Variants in FANCB observed in about 807,000 individuals in gnomAD.
FANCB encodes FA complementation group B, also known as Fanconi anemia group B protein.
In FANCB, 5 loss-of-function variants were observed where a neutral mutation model predicts 38.9. That is an observed-to-expected ratio of 0.13 (90% CI 0.07 to 0.27). FANCB has a LOEUF of 0.27. Ranked by LOEUF, FANCB falls within the 10% of genes least tolerant of loss-of-function variation. The pLI, the probability that FANCB is intolerant of heterozygous loss-of-function variation, is 1.00. For synonymous variants in FANCB, 236 were observed against 215.4 expected (o/e 1.10, Z -0.84); for missense variants, 573 against 602.7 (o/e 0.95, Z 0.52).
chrX:14,777,750 C>G, the FANCB span, among the ~76,000 whole-genome samples: 3 of 112,200 alleles, frequency 2.7e-5, no homozygotes, highest in African/African-American at 6.5e-5. Context: ...CCTGTCTTAC[C>G]CAATAACATT....
Position 14,845,095 on chromosome X carries a change from C to A in FANCB, c.1688G>T (p.Ser563Ile), listed in dbSNP as rs375901101. 1 of 1,209,432 alleles carries A rather than the reference C, an allele frequency of 8.3e-7. No individual in the cohort carries two copies. Among genetic ancestry groups the A allele is most frequent in the African/African-American group, 1.7e-5 (1 of 57,232 alleles). ...CTTAGATGGGTGTTCACAAACAAAG[C>A]TTTCCTCTTTCTTGCTATCAGGGGT... ...TLTPDSKKEESFVCEHPSKKE... is the reference protein window; with the variant it reads ...TLTPDSKKEEIFVCEHPSKKE... Residue 563 changes from serine to isoleucine, a missense_variant, in exon 8 of 10, where the codon AGC becomes ATC. Transcript: ENST00000650831.
chrX:14,823,399 C>T, the FANCB span, among the ~76,000 whole-genome samples: 1 of 111,665 alleles, frequency 9.0e-6, no homozygotes, highest in Non-Finnish European at 1.9e-5. Context: ...TACTTTTTAC[C>T]TTTCTGTATC....
the FANCB span, among the ~76,000 whole-genome samples, chrX:14,786,661 A>C: frequency 8.9e-6 from 1 of 111,858 alleles, no homozygotes; most frequent in Non-Finnish European, 1.9e-5. Context: ...CTGCAATAAG[A>C]AAGTGAGGAG....
the FANCB span, among the ~76,000 whole-genome samples, chrX:14,789,697 A>G: frequency 0.028 from 3,076 of 111,338 alleles, 98 homozygotes; most frequent in African/African-American, 0.095. Flanking sequence ...TTGCAAGATG[A>G]CTGCTTATTA....
At chrX:14,726,690 TG>T in the FANCB span, among the ~76,000 whole-genome samples, 123 of 112,685 alleles carry the variant, frequency 1.1e-3, no homozygotes, top group African/African-American at 3.8e-3. Flanking sequence ...ATTCTAGCTC[TG>T]TTAATTGAAT....
chrX:14,743,075 G>A, the FANCB span, among the ~76,000 whole-genome samples: 2 of 112,186 alleles, frequency 1.8e-5, no homozygotes, highest in Admixed American at 9.4e-5. Flanking sequence ...GCACGGAGTA[G>A]GCGAGTAGGC....
the FANCB span, among the ~76,000 whole-genome samples, chrX:14,699,784 A>C: frequency 1.8e-5 from 2 of 111,649 alleles, no homozygotes; most frequent in Admixed American, 1.9e-4. Context: ...CCATGAGATC[A>C]AATTTTTTAG....
the FANCB span, among the ~76,000 whole-genome samples, chrX:14,709,208 C>T: frequency 4.5e-5 from 5 of 110,756 alleles, no homozygotes; most frequent in Non-Finnish European, 7.6e-5. Flanking sequence ...CACTGCAGCC[C>T]GGACAACAGA....
chrX:14,777,248 T>C, the FANCB span, among the ~76,000 whole-genome samples: 1 of 112,358 alleles, frequency 8.9e-6, no homozygotes, highest in Non-Finnish European at 1.9e-5. Context: ...GAAGGTCTGC[T>C]GGTAGTGTAA....
At chrX:14,715,123 T>G in the FANCB span, among the ~76,000 whole-genome samples, 1 of 112,579 alleles carries the variant, frequency 8.9e-6, no homozygotes, top group South Asian at 3.6e-4. Flanking sequence ...TTTGTTTTCC[T>G]TGCAAATAAG....
the FANCB span, among the ~76,000 whole-genome samples, chrX:14,766,926 T>C: frequency 1.8e-5 from 2 of 111,675 alleles, no homozygotes; most frequent in Admixed American, 1.9e-4. Flanking sequence ...CTCCCACTTA[T>C]AAGTGAGAAC....
At chrX:14,824,058 T>C in the FANCB span, among the ~76,000 whole-genome samples, 1 of 111,730 alleles carries the variant, frequency 9.0e-6, no homozygotes, top group African/African-American at 3.3e-5. Flanking sequence ...ATGCAGTTTA[T>C]ATAGTGTTTT....
intron 2 of FANCB, 28 bp downstream of exon 2, chrX:14,868,895 A>G (rs2147458202): frequency 9.0e-6 from 1 of 111,683 alleles, no homozygotes; most frequent in East Asian, 2.8e-4. Flanking sequence ...AAACAGGTAA[A>G]TAAGAAAAAA....
the FANCB span, among the ~76,000 whole-genome samples, chrX:14,697,201 T>C: frequency 8.9e-6 from 1 of 112,221 alleles, no homozygotes; most frequent in Non-Finnish European, 1.9e-5. Context: ...ACTACAACTG[T>C]GTGAGTAATG....
At chrX:14,854,893 C>A (rs1000271826) in intron 5 of FANCB, among the ~76,000 whole-genome samples, 1 of 111,528 alleles carries the variant, frequency 9.0e-6, no homozygotes, top group African/African-American at 3.3e-5. Context: ...AATTTTACAA[C>A]CTTTGTATGA....
the FANCB span, among the ~76,000 whole-genome samples, chrX:14,792,804 G>A: frequency 7.2e-5 from 8 of 111,280 alleles, no homozygotes; most frequent in South Asian, 7.4e-4. Context: ...GAAGGCAACC[G>A]AGGGCATTAG....
the FANCB span, among the ~76,000 whole-genome samples, chrX:14,805,503 G>A: frequency 3.6e-5 from 4 of 110,817 alleles, no homozygotes; most frequent in Non-Finnish European, 7.6e-5. Flanking sequence ...CATCACCCCC[G>A]CTAAACTGCT....
At chrX:14,725,444 T>C in the FANCB span, among the ~76,000 whole-genome samples, 1 of 111,205 alleles carries the variant, frequency 9.0e-6, no homozygotes. Context: ...TGAGTGAGAC[T>C]CACTACAACC....
chrX:14,714,742 G>A, the FANCB span, among the ~76,000 whole-genome samples: 3 of 112,532 alleles, frequency 2.7e-5, no homozygotes, highest in Non-Finnish European at 5.6e-5. Context: ...GTTGTATAAT[G>A]ATAGCTAAAT....
Sources: allele counts gnomAD v4.1 joint callset (sites outside exome capture counted in the v4.1 genomes callset), GRCh38; gene constraint gnomAD v4.1.1; transcripts MANE v1.5; gene names NCBI Gene and HGNC (gene_info 2026-07-23, HGNC 2026-07-21).